Variants in PPP2R2C observed in about 807,000 individuals in gnomAD.
PPP2R2C encodes protein phosphatase 2 regulatory subunit Bgamma, also known as protein phosphatase 2, regulatory subunit B, gamma.
A neutral mutation model predicts 45.3 loss-of-function variants in PPP2R2C; 10 were observed. The ratio of observed to expected loss-of-function variants is 0.22; its 90% confidence interval spans 0.14 to 0.37. The LOEUF is 0.37. Ranked by LOEUF, PPP2R2C falls within the 10% of genes least tolerant of loss-of-function variation. The pLI is 1.00. For missense variants in PPP2R2C, 308 were observed against 619.7 expected (o/e 0.50, Z 5.34); for synonymous variants, 257 against 245.4 (o/e 1.05, Z -0.44).
In PPP2R2C at chr4:6,412,311, GA is replaced by G. The variant is rs147164171; in HGVS notation, c.71-31218del. Among the ~76,000 whole-genome samples, 1,425 of 152,326 alleles carry G rather than the reference GA, an allele frequency of 9.4e-3. 28 individuals are homozygous for G. Among genetic ancestry groups the G allele is most frequent in the African/African-American group, 0.032 (1,333 of 41,578 alleles). ...TAAACAACGTTCAGGGGCTGTGCAA[GA>G]GACTGTAACTGTTCACCTTACTGAC... is the stretch of plus-strand genomic sequence containing the variant. On this transcript the variant is annotated intron_variant, in intron 1 of 8. Coordinates refer to ENST00000382599, the MANE Select transcript of PPP2R2C (RefSeq NM_020416.4).
chr4:6,419,606 T>A (rs1718834630), intron 1 of PPP2R2C, among the ~76,000 whole-genome samples: 1 of 152,138 alleles, frequency 6.6e-6, no homozygotes, highest in Non-Finnish European at 1.5e-5. Flanking sequence ...TCTTCTGGGA[T>A]GTTAGGGCCT....
chr4:6,416,751 C>T (rs921226828), intron 1 of PPP2R2C, among the ~76,000 whole-genome samples: 1 of 152,232 alleles, frequency 6.6e-6, no homozygotes, highest in Non-Finnish European at 1.5e-5. Context: ...CCTTCCACTT[C>T]GGGAACCCTG....
chr4:6,529,374 AG>A (rs1724319793), intron 2 of PPP2R2C, among the ~76,000 whole-genome samples: 1 of 152,200 alleles, frequency 6.6e-6, no homozygotes, highest in African/African-American at 2.4e-5. Context: ...CGCCCACCTA[AG>A]CGGCCAGGCT....
chr4:6,387,764 C>T (rs1010230855), intron 1 of PPP2R2C, among the ~76,000 whole-genome samples: 2 of 148,728 alleles, frequency 1.3e-5, no homozygotes, highest in African/African-American at 5.0e-5. Context: ...TGCAATGAGC[C>T]GAGATTGCAC....
At chr4:6,496,955 G>C (rs1722900224) in intron 2 of PPP2R2C, among the ~76,000 whole-genome samples, 1 of 152,208 alleles carries the variant, frequency 6.6e-6, no homozygotes, top group Admixed American at 6.5e-5. Flanking sequence ...ACGGGGGTGG[G>C]AGGGCCATAG....
rs563746141 is a variant in PPP2R2C, at chr4:6,499,112, G to A, written c.49+36159C>T. 7.2e-5 allele frequency among the ~76,000 whole-genome samples: 11 copies of A among 152,200 alleles called. No homozygotes were observed. In the South Asian group the frequency reaches 8.3e-4, roughly 11 times the overall value. On this transcript the variant is annotated intron_variant, in intron 2 of 9. Transcript: ENST00000506140. ...TTGGGAGGGGAAAAGCAAACCAGGC[G>A]GCTACTCCTGCTTTCAGGTGCCCTC...
Position 6,322,496 on chromosome 4 carries a change from T to C in PPP2R2C, c.*806A>G, listed in dbSNP as rs1487115728. 2.0e-5 allele frequency: 3 copies of C among 152,180 alleles called. No homozygotes were observed. Among genetic ancestry groups the C allele is most frequent in the Non-Finnish European group, 4.4e-5 (3 of 68,120 alleles). 9.4% of individuals were successfully genotyped at this position (152,180 alleles called of 1,614,324 possible). A position where few individuals can be genotyped will look rare whatever the true frequency, so the allele number is the denominator to read the frequency against. ...AAGGTGCCCAGTGAATGCTGAAGGGTGAGGCGGCAGGGAGGGCTGCAGAGG... is the reference window on the plus strand; with the variant it reads ...AAGGTGCCCAGTGAATGCTGAAGGGCGAGGCGGCAGGGAGGGCTGCAGAGG... On this transcript the variant is annotated 3_prime_UTR_variant, in exon 9 of 9. Coordinates refer to ENST00000382599, the MANE Select transcript of PPP2R2C (RefSeq NM_020416.4). The surrounding 1 kb of genome is among the most constrained non-coding windows in gnomAD (Gnocchi z 7.8).
At chr4:6,555,343 T>C (rs1315679177) in intron 1 of PPP2R2C, among the ~76,000 whole-genome samples, 1 of 152,218 alleles carries the variant, frequency 6.6e-6, no homozygotes, top group Non-Finnish European at 1.5e-5. Context: ...CAATCATTCA[T>C]AACACACCCT....
intron 1 of PPP2R2C, among the ~76,000 whole-genome samples, chr4:6,465,952 C>T (rs1469342026): frequency 1.3e-5 from 2 of 152,146 alleles, no homozygotes; most frequent in African/African-American, 4.8e-5. Context: ...TTTTCCCTTC[C>T]CTTCTGTGTA....
At chr4:6,534,255 T>A (rs1724512859) in intron 2 of PPP2R2C, among the ~76,000 whole-genome samples, 1 of 117,094 alleles carries the variant, frequency 8.5e-6, no homozygotes, top group Non-Finnish European at 1.7e-5. Context: ...ACACACACAG[T>A]AAGCACACCA....
At chr4:6,500,281 G>A (rs771927321) in intron 2 of PPP2R2C, among the ~76,000 whole-genome samples, 2 of 152,128 alleles carry the variant, frequency 1.3e-5, no homozygotes, top group African/African-American at 4.8e-5. Flanking sequence ...CCGAGTAGCT[G>A]GGATTATAGG....
intron 2 of PPP2R2C, among the ~76,000 whole-genome samples, chr4:6,533,295 T>C (rs748379224): frequency 6.6e-6 from 1 of 152,172 alleles, no homozygotes; most frequent in Non-Finnish European, 1.5e-5. Context: ...CCCATGAGCA[T>C]AATCTTTGAA....
intron 2 of PPP2R2C, chr4:6,535,183 C>T (rs760040784): frequency 7.1e-7 from 1 of 1,416,832 alleles, no homozygotes; most frequent in Non-Finnish European, 9.6e-7. Context: ...CGCTGTCAGG[C>T]TGGCGCTGTG....
chr4:6,512,593 ATGG>A (rs200398575), intron 2 of PPP2R2C, among the ~76,000 whole-genome samples: 3,005 of 40,516 alleles, frequency 0.074, 278 homozygotes, highest in African/African-American at 0.25. Context: ...GGTGATGGTG[ATGG>A]TGGTGGTGGT....
chr4:6,358,489 A>G (rs1713426392), intron 5 of PPP2R2C, among the ~76,000 whole-genome samples: 1 of 150,458 alleles, frequency 6.6e-6, no homozygotes, highest in African/African-American at 2.4e-5. Context: ...GACAAATGGG[A>G]TCTAATTAAA....
At chr4:6,338,203 C>G (rs1419505529) in intron 6 of PPP2R2C, among the ~76,000 whole-genome samples, 1 of 152,166 alleles carries the variant, frequency 6.6e-6, no homozygotes, top group Non-Finnish European at 1.5e-5. Context: ...TGGGCCCAGT[C>G]CCATCTCCAC....
At chr4:6,419,143 C>G (rs1048445973) in intron 1 of PPP2R2C, among the ~76,000 whole-genome samples, 10 of 152,130 alleles carry the variant, frequency 6.6e-5, no homozygotes, top group African/African-American at 2.2e-4. Flanking sequence ...ACAAAACAAA[C>G]AAAGAAAAAT....
chr4:6,419,694 TTTATCCTC>T (rs1718841672), intron 1 of PPP2R2C, among the ~76,000 whole-genome samples: 3 of 152,142 alleles, frequency 2.0e-5, no homozygotes, highest in Non-Finnish European at 4.4e-5. Flanking sequence ...ACAATCGAAC[TTTATCCTC>T]TCCTAGTTCT....
At chr4:6,447,994 T>G (rs1029370908) in intron 1 of PPP2R2C, among the ~76,000 whole-genome samples, 4 of 152,104 alleles carry the variant, frequency 2.6e-5, no homozygotes, top group African/African-American at 9.7e-5. Context: ...GGGCCCTTTT[T>G]CAGGAAGCAT....
Sources: gnomAD v4.1 joint callset for allele counts (sites outside exome capture counted in the v4.1 genomes callset) on GRCh38, gnomAD v4.1.1 for gene constraint, Gnocchi (gnomAD v3.1) non-coding constraint, MANE v1.5 for transcripts, NCBI Gene and HGNC (gene_info 2026-07-23, HGNC 2026-07-21) for gene names.